SORCS2: variants seen among roughly 807,000 people sequenced by gnomAD.
SORCS2 encodes VPS10 domain-containing receptor SorCS2.
In SORCS2, 100 loss-of-function variants were observed where a neutral mutation model predicts 141.6. That is an observed-to-expected ratio of 0.71 (90% CI 0.60 to 0.83). The LOEUF is 0.83. SORCS2 is among the 40% of genes least tolerant of loss of function. The pLI, the probability that SORCS2 is intolerant of heterozygous loss-of-function variation, is 0.00. For synonymous variants in SORCS2, 789 were observed against 676.9 expected (o/e 1.17, Z -2.57); for missense variants, 1,646 against 1,560.2 (o/e 1.05, Z -0.93).
At chr4:7,355,435 A>G (rs184352692) in intron 1 of SORCS2, among the ~76,000 whole-genome samples, 122 of 152,336 alleles carry the variant, frequency 8.0e-4, no homozygotes, top group African/African-American at 2.9e-3. Context: ...TTAATGGCTT[A>G]TGCTATAAAT....
At chr4:7,351,340 C>A (rs1452465129) in intron 1 of SORCS2, among the ~76,000 whole-genome samples, 1 of 152,184 alleles carries the variant, frequency 6.6e-6, no homozygotes, top group Non-Finnish European at 1.5e-5. Flanking sequence ...CCTGCCACAG[C>A]CTTTCTCCCT....
At chr4:7,200,022 G>T (rs1357990387) in intron 1 of SORCS2, among the ~76,000 whole-genome samples, 2 of 144,254 alleles carry the variant, frequency 1.4e-5, no homozygotes, top group African/African-American at 5.3e-5. Flanking sequence ...AAGCGCAGAG[G>T]TGGGGGAGGC....
chr4:7,340,189 C>T (rs1720281187), intron 1 of SORCS2, among the ~76,000 whole-genome samples: 1 of 152,200 alleles, frequency 6.6e-6, no homozygotes, highest in Non-Finnish European at 1.5e-5. Context: ...GCCCGAGGCC[C>T]CACAGTTAGT....
intron 2 of SORCS2, among the ~76,000 whole-genome samples, chr4:7,416,047 C>T (rs1441905149): frequency 1.3e-5 from 2 of 152,128 alleles, no homozygotes; most frequent in Non-Finnish European, 1.5e-5. Flanking sequence ...GAGTTTAGAG[C>T]GGCTAAAGCG....
chr4:7,515,206 G>T (rs1049349088), intron 2 of SORCS2, among the ~76,000 whole-genome samples: 3 of 152,178 alleles, frequency 2.0e-5, no homozygotes, highest in African/African-American at 7.2e-5. Context: ...GACGCCTGAG[G>T]TCCAGTGAGT....
Position 7,304,337 on chromosome 4 carries a change from T to C in SORCS2, c.481-91951T>C, listed in dbSNP as rs1379406188. Among the ~76,000 whole-genome samples the C allele has an allele frequency of 2.0e-5, 3 of 152,326 alleles. No homozygotes were observed. In the East Asian group the frequency reaches 5.8e-4, roughly 29 times the overall value. On this transcript the variant is annotated intron_variant, in intron 1 of 26. Coordinates refer to ENST00000507866, the MANE Select transcript of SORCS2 (RefSeq NM_020777.3). ...GGGGCAGGTGATGGTTGGTGCTCCC[T>C]CTGTCTGTCCTTCTGCCCTTCCCTC... is the stretch of plus-strand genomic sequence containing the variant.
intron 2 of SORCS2, among the ~76,000 whole-genome samples, chr4:7,419,518 T>C (rs1175356398): frequency 6.6e-6 from 1 of 152,190 alleles, no homozygotes; most frequent in Non-Finnish European, 1.5e-5. Flanking sequence ...CAGTCAGTGC[T>C]CCAGGCATCC....
chr4:7,636,215 G>A (rs1447787692), intron 3 of SORCS2, among the ~76,000 whole-genome samples: 1 of 151,722 alleles, frequency 6.6e-6, no homozygotes, highest in Non-Finnish European at 1.5e-5. Context: ...CAAATGCTTG[G>A]CTCCAAAGGG....
chr4:7,553,140 G>A (rs1434420728), intron 3 of SORCS2, among the ~76,000 whole-genome samples: 4 of 152,126 alleles, frequency 2.6e-5, no homozygotes, highest in Non-Finnish European at 5.9e-5. Flanking sequence ...TGAAGATGCT[G>A]GGCTGGGAGG....
intron 2 of SORCS2, among the ~76,000 whole-genome samples, chr4:7,530,464 C>T (rs1444268598): frequency 2.0e-5 from 3 of 152,208 alleles, no homozygotes; most frequent in African/African-American, 7.2e-5. Flanking sequence ...GCATGCTGCC[C>T]ACGACAGGAG....
chr4:7,247,293 T>C (rs1225014303), intron 1 of SORCS2, among the ~76,000 whole-genome samples: 1 of 152,164 alleles, frequency 6.6e-6, no homozygotes, highest in Non-Finnish European at 1.5e-5. Flanking sequence ...AAACGGATGT[T>C]TCTATCTTTA....
At chr4:7,505,579 C>T (rs952025839) in intron 2 of SORCS2, among the ~76,000 whole-genome samples, 1 of 152,088 alleles carries the variant, frequency 6.6e-6, no homozygotes, top group African/African-American at 2.4e-5. Context: ...GATATTGATG[C>T]CCTCCTCATG....
intron 3 of SORCS2, among the ~76,000 whole-genome samples, chr4:7,577,914 A>T (rs1458880933): frequency 2.7e-5 from 4 of 149,880 alleles, no homozygotes; most frequent in African/African-American, 9.9e-5. Context: ...ATACAGGCGA[A>T]GTCAGCTAGT....
At chr4:7,344,795 C>A (rs188311461) in intron 1 of SORCS2, among the ~76,000 whole-genome samples, 195 of 152,334 alleles carry the variant, frequency 1.3e-3, no homozygotes, top group African/African-American at 4.0e-3. Context: ...CTGCACCTCA[C>A]CCCTGATTCC....
chr4:7,511,702 G>A (rs1427602456), intron 2 of SORCS2, among the ~76,000 whole-genome samples: 1 of 152,154 alleles, frequency 6.6e-6, no homozygotes, highest in African/African-American at 2.4e-5. Flanking sequence ...GGTGAAGGCT[G>A]CTGCAGCTTG....
chr4:7,433,998 A>G, intron 2 of SORCS2: 2 of 1,613,398 alleles, frequency 1.2e-6, no homozygotes, highest in Non-Finnish European at 1.7e-6. Flanking sequence ...TGCACACCTC[A>G]CAGGTCACAC....
chr4:7,536,875 G>C (rs529305555), intron 3 of SORCS2, among the ~76,000 whole-genome samples: 1 of 148,974 alleles, frequency 6.7e-6, no homozygotes, highest in South Asian at 2.1e-4. Flanking sequence ...GTCACCATTT[G>C]TTCACTTCCA....
chr4:7,437,925 G>A (rs6827544), intron 2 of SORCS2, among the ~76,000 whole-genome samples: 151,739 of 152,316 alleles, frequency 1, 75,588 homozygotes, highest in Middle Eastern at 1. Flanking sequence ...ATATTTGCAC[G>A]TAATTTTTTT....
intron 2 of SORCS2, among the ~76,000 whole-genome samples, chr4:7,441,019 G>T (rs1727628031): frequency 6.6e-6 from 1 of 152,156 alleles, no homozygotes; most frequent in South Asian, 2.1e-4. Flanking sequence ...GTGGAGATTT[G>T]GGGAGAGGTG....
Sources: allele counts gnomAD v4.1 joint callset (sites outside exome capture counted in the v4.1 genomes callset), GRCh38; gene constraint gnomAD v4.1.1; transcripts MANE v1.5; gene names NCBI Gene and HGNC (gene_info 2026-07-23, HGNC 2026-07-21).